The following ANXA4 variants were observed in gnomAD, a reference collection of about 807,000 sequenced individuals.
ANXA4 encodes the protein annexin A4.
In ANXA4, 39 loss-of-function variants were observed where a neutral mutation model predicts 49.8. The observed-to-expected ratio is 0.78, with a 90% CI of 0.61 to 1.02. The LOEUF (loss-of-function observed/expected upper bound fraction) is 1.02, where lower values mean the gene tolerates loss of function less well. ANXA4 is among the 50% of genes least tolerant of loss of function. The pLI, the probability that ANXA4 is intolerant of heterozygous loss-of-function variation, is 0.00. For synonymous variants in ANXA4, 134 were observed against 152.5 expected (o/e 0.88, Z 0.89); for missense variants, 360 against 410.1 (o/e 0.88, Z 1.05).
intron 1 of ANXA4, among the ~76,000 whole-genome samples, chr2:69,779,153 A>T (rs1672096039): frequency 6.6e-6 from 1 of 150,658 alleles, no homozygotes; most frequent in Non-Finnish European, 1.5e-5. Context: ...AGTCAGAATG[A>T]ATCCTTTTTT....
intron 1 of ANXA4, among the ~76,000 whole-genome samples, chr2:69,773,067 TAATA>T (rs747998801): frequency 1.3e-5 from 2 of 152,192 alleles, no homozygotes; most frequent in African/African-American, 2.4e-5. Context: ...AGTAAAACTT[TAATA>T]AATAAACAAC....
chr2:69,739,095 G>A (rs1482865716), upstream of ANXA4, among the ~76,000 whole-genome samples: 1 of 152,164 alleles, frequency 6.6e-6, no homozygotes, highest in Non-Finnish European at 1.5e-5. Flanking sequence ...AAGAGGGACC[G>A]TGGCCACTGT....
At chr2:69,766,897 T>G (rs1671514069) in intron 1 of ANXA4, among the ~76,000 whole-genome samples, 1 of 152,136 alleles carries the variant, frequency 6.6e-6, no homozygotes, top group Non-Finnish European at 1.5e-5. Flanking sequence ...ACCCTAACAA[T>G]CCAATCTGGG....
At chr2:69,766,616 G>A (rs532712942) in intron 1 of ANXA4, among the ~76,000 whole-genome samples, 1 of 152,310 alleles carries the variant, frequency 6.6e-6, no homozygotes, top group Admixed American at 6.5e-5. Flanking sequence ...TGTGAAATTA[G>A]CAACTAGGCC....
chr2:69,818,766 G>T, intron 10 of ANXA4, 72 bp downstream of exon 10: 3 of 911,846 alleles, frequency 3.3e-6, no homozygotes, highest in Admixed American at 4.8e-5. Context: ...TGCAATATGG[G>T]GATATAGAAT....
chr2:69,685,795 T>G (rs1677765607), intron 2 of ANXA4, among the ~76,000 whole-genome samples: 1 of 152,196 alleles, frequency 6.6e-6, no homozygotes, highest in African/African-American at 2.4e-5. Context: ...TTTTAGGCTG[T>G]ATCCAGTGGT....
intron 2 of ANXA4, among the ~76,000 whole-genome samples, chr2:69,708,927 C>G (rs2105402983): frequency 6.6e-6 from 1 of 151,676 alleles, no homozygotes; most frequent in East Asian, 1.9e-4. Context: ...AAAAAAAAAC[C>G]TCTACTATAT....
chr2:69,724,609 AAGCCCTTTGG>A (rs1454553027), intron 3 of ANXA4, among the ~76,000 whole-genome samples: 1 of 152,162 alleles, frequency 6.6e-6, no homozygotes, highest in African/African-American at 2.4e-5. Context: ...AGATCCTTTC[AAGCCCTTTGG>A]TGAGTGACTA....
chr2:69,672,145 A>C (rs189035986), intron 2 of ANXA4, among the ~76,000 whole-genome samples: 224 of 152,338 alleles, frequency 1.5e-3, no homozygotes, highest in Middle Eastern at 3.4e-3. Flanking sequence ...TGGGATATTC[A>C]TGAACCACAG....
chr2:69,743,325 C>A (rs1246212798), intron 1 of ANXA4, among the ~76,000 whole-genome samples: 1 of 152,126 alleles, frequency 6.6e-6, no homozygotes, highest in South Asian at 2.1e-4. Context: ...TCAAGAGATT[C>A]TCCTGCCTCA....
chr2:69,766,573 G>A lies in ANXA4; in HGVS notation c.-46-14947G>A, dbSNP rs187390391. Reference sequence around the variant, plus strand: ...GAGGAAGGATGGGGTGGTCATTGAAGGAGAAGTTTCCGTTTATCTGAATGG... The same window carrying A: ...GAGGAAGGATGGGGTGGTCATTGAAAGAGAAGTTTCCGTTTATCTGAATGG... On this transcript the variant is annotated intron_variant, in intron 1 of 12. Coordinates refer to ENST00000394295, the MANE Select transcript of ANXA4 (RefSeq NM_001153.5). 2.3e-3 allele frequency among the ~76,000 whole-genome samples: 355 copies of A among 152,320 alleles called. 2 individuals carry two copies. The highest frequency in any genetic ancestry group is 0.01 in the Middle Eastern group (3 of 294).
At chr2:69,755,401 C>T (rs1409498655) in intron 1 of ANXA4, among the ~76,000 whole-genome samples, 2 of 152,220 alleles carry the variant, frequency 1.3e-5, no homozygotes, top group Non-Finnish European at 2.9e-5. Flanking sequence ...TGGCAGATCA[C>T]TTGAGGTCAG....
intron 1 of ANXA4, among the ~76,000 whole-genome samples, chr2:69,770,720 C>T (rs1044578403): frequency 4.6e-5 from 7 of 152,138 alleles, no homozygotes; most frequent in Non-Finnish European, 7.4e-5. Context: ...TAAACCTGTA[C>T]GCACACACAC....
chr2:69,736,794 A>G (rs983918161), intron 3 of ANXA4, among the ~76,000 whole-genome samples: 1 of 152,026 alleles, frequency 6.6e-6, no homozygotes, highest in Non-Finnish European at 1.5e-5. Context: ...TCAGCATTTT[A>G]TTTACTTATT....
chr2:69,781,341 T>A, intron 1 of ANXA4, 179 bp from the exon 2 acceptor site: 1 of 602,184 alleles, frequency 1.7e-6, no homozygotes, highest in Non-Finnish European at 2.9e-6. Flanking sequence ...TGACTTTTTT[T>A]AACAGTTTCT....
At chr2:69,761,776 TA>T (rs56109057) in intron 1 of ANXA4, among the ~76,000 whole-genome samples, 65,133 of 135,314 alleles carry the variant, frequency 0.48, 15,208 homozygotes, top group East Asian at 0.78. Flanking sequence ...GATGCTGTCT[TA>T]AAAAAAAAAA....
chr2:69,771,939 A>T (rs1671735318), intron 1 of ANXA4, among the ~76,000 whole-genome samples: 1 of 152,162 alleles, frequency 6.6e-6, no homozygotes, highest in Non-Finnish European at 1.5e-5. Context: ...ATTCCCAACT[A>T]TCTTTCAGTT....
At chr2:69,752,704 A>AG (rs1670895729) in intron 1 of ANXA4, among the ~76,000 whole-genome samples, 1 of 152,212 alleles carries the variant, frequency 6.6e-6, no homozygotes, top group Non-Finnish European at 1.5e-5. Flanking sequence ...TGGCTAGCAC[A>AG]GTGCTGCTGA....
At chr2:69,785,075 C>T (rs1246951096) in intron 2 of ANXA4, among the ~76,000 whole-genome samples, 2 of 152,086 alleles carry the variant, frequency 1.3e-5, no homozygotes, top group Non-Finnish European at 2.9e-5. Flanking sequence ...ATAACGGGGC[C>T]CAAGGAAGTC....
Sources: gnomAD v4.1 joint callset for allele counts (sites outside exome capture counted in the v4.1 genomes callset) on GRCh38, gnomAD v4.1.1 for gene constraint, MANE v1.5 for transcripts, NCBI Gene and HGNC (gene_info 2026-07-23, HGNC 2026-07-21) for gene names.